The following GPR63 variants were observed in gnomAD, a reference collection of about 807,000 sequenced individuals.
GPR63 encodes the protein probable G protein-coupled receptor 63.
Under a neutral mutation model 23.1 loss-of-function variants are expected in GPR63, and 12 were observed. The observed-to-expected ratio is 0.52, with a 90% confidence interval of 0.33 to 0.84. The LOEUF is 0.84. Ranked by LOEUF, GPR63 falls within the 40% of genes least tolerant of loss-of-function variation. The pLI is 0.02. For synonymous variants in GPR63, 172 were observed against 191.1 expected (o/e 0.90, Z 0.82); for missense variants, 472 against 515.6 (o/e 0.92, Z 0.82).
chr6:96,812,751 T>A (rs942564024), intron 1 of GPR63, among the ~76,000 whole-genome samples: 6 of 152,124 alleles, frequency 3.9e-5, no homozygotes, highest in African/African-American at 7.2e-5. Context: ...ATGGGGTACA[T>A]GTGAGCATTT....
At chr6:96,807,997 G>T (rs1773939792) in intron 1 of GPR63, among the ~76,000 whole-genome samples, 1 of 152,180 alleles carries the variant, frequency 6.6e-6, no homozygotes, top group African/African-American at 2.4e-5. Context: ...TGTGTTCTTA[G>T]CCACTACGCT....
At chr6:96,808,524 AT>A (rs1285938546) in intron 1 of GPR63, among the ~76,000 whole-genome samples, 5 of 152,186 alleles carry the variant, frequency 3.3e-5, no homozygotes, top group African/African-American at 1.2e-4. Context: ...AGAACTGAAT[AT>A]TTAGTAAGTA....
intron 1 of GPR63, among the ~76,000 whole-genome samples, chr6:96,828,944 A>G (rs960619451): frequency 2.0e-5 from 3 of 152,236 alleles, no homozygotes; most frequent in Non-Finnish European, 2.9e-5. Flanking sequence ...CAAAAGGGTT[A>G]ATTTCCCACA....
At position 96,799,693 on chromosome 6, in the gene GPR63, C is replaced by G. The variant is rs774069933; in HGVS notation, c.39G>C (p.Gly13=). 1.2e-6 allele frequency: 2 copies of G among 1,613,954 alleles called. No individual in the cohort carries two copies. Among genetic ancestry groups the G allele is most frequent in the Non-Finnish European group, 1.7e-6 (2 of 1,180,024 alleles). ...ACACGACAAATGTTGTGTTGGATGT[C>G]CCGGTATGGAACGCAGTCAACACTG... ...FSAVLTAFHT[G]TSNTTFVVYE... The change falls in exon 2 of 2, where the codon GGG becomes GGC. Residue 13 remains glycine (G), a synonymous_variant. Coordinates refer to ENST00000229955, the MANE Select transcript of GPR63 (RefSeq NM_030784.4).
chr6:96,817,815 T>C (rs773742752), intron 1 of GPR63, among the ~76,000 whole-genome samples: 1 of 151,996 alleles, frequency 6.6e-6, no homozygotes, highest in Non-Finnish European at 1.5e-5. Flanking sequence ...AGTTTATTGG[T>C]TACCTTTGGG....
At chr6:96,810,656 C>T (rs181139434) in intron 1 of GPR63, among the ~76,000 whole-genome samples, 7 of 151,698 alleles carry the variant, frequency 4.6e-5, no homozygotes, top group South Asian at 2.1e-4. Flanking sequence ...TGCAGAATGA[C>T]GTACAACATA....
chr6:96,833,071 G>A (rs1774631862), intron 1 of GPR63, among the ~76,000 whole-genome samples: 2 of 152,170 alleles, frequency 1.3e-5, no homozygotes, highest in Non-Finnish European at 2.9e-5. Context: ...AACTTTAGAA[G>A]GTATCGTGGT....
chr6:96,826,712 G>A (rs1774446682), intron 1 of GPR63, among the ~76,000 whole-genome samples: 1 of 151,834 alleles, frequency 6.6e-6, no homozygotes, highest in Non-Finnish European at 1.5e-5. Context: ...TGGCAACCAG[G>A]GACTTCATGG....
At chr6:96,813,577 G>A (rs979146665) in intron 1 of GPR63, among the ~76,000 whole-genome samples, 3 of 152,130 alleles carry the variant, frequency 2.0e-5, no homozygotes, top group African/African-American at 7.2e-5. Context: ...CCCAACACAT[G>A]GTTTATCCTA....
Position 96,799,559 on chromosome 6 carries a change from G to A in GPR63, c.173C>T (p.Ser58Phe), listed in dbSNP as rs1291836304. The change falls in exon 2 of 2, where the codon TCC (serine) becomes TTC (phenylalanine). Residue 58 changes from serine to phenylalanine, a missense_variant. Physicochemically the swap from Ser to Phe is radical, Grantham distance 155 (BLOSUM62 -2). Transcript: ENST00000229955. ...FETMAPTGLS[S>F]LTVNSTAVPT... ...CACAGCTGTACTATTCACGGTCAAGGAACTCAAACCAGTGGGAGCCATGGT... is the reference window on the plus strand; with the variant it reads ...CACAGCTGTACTATTCACGGTCAAGAAACTCAAACCAGTGGGAGCCATGGT... The A allele has an allele frequency of 6.2e-7, 1 of 1,614,048 alleles. No individual in the cohort carries two copies. The highest frequency in any genetic ancestry group is 1.3e-5 in the African/African-American group (1 of 74,914).
chr6:96,815,539 T>C (rs1248372345), intron 1 of GPR63, among the ~76,000 whole-genome samples: 2 of 152,212 alleles, frequency 1.3e-5, no homozygotes, highest in African/African-American at 4.8e-5. Flanking sequence ...TATTGTGTAC[T>C]TTAATATACA....
chr6:96,813,415 T>C (rs1267700088), intron 1 of GPR63, among the ~76,000 whole-genome samples: 2 of 152,206 alleles, frequency 1.3e-5, no homozygotes, highest in African/African-American at 2.4e-5. Context: ...GAAAACTCCA[T>C]ACTGACCCAG....
In GPR63 at chr6:96,801,505, T is replaced by C. The variant is rs148138616; in HGVS notation, c.-150-1624A>G. Reference sequence around the variant, plus strand: ...TGAGCCACTGCACCCAGCCTAGTCATTGATTTTAAGGGTCACTGTCAAAAT... The same window carrying C: ...TGAGCCACTGCACCCAGCCTAGTCACTGATTTTAAGGGTCACTGTCAAAAT... On this transcript the variant is annotated intron_variant, in intron 1 of 1. Coordinates refer to ENST00000229955, the MANE Select transcript of GPR63 (RefSeq NM_030784.4). 5.3e-4 allele frequency among the ~76,000 whole-genome samples: 80 copies of C among 152,306 alleles called. 1 individual carries two copies. Among genetic ancestry groups the C allele is most frequent in the East Asian group, 7.7e-4 (4 of 5,168 alleles).
intron 1 of GPR63, among the ~76,000 whole-genome samples, chr6:96,829,998 C>T (rs943650320): frequency 1.3e-5 from 2 of 152,022 alleles, no homozygotes; most frequent in African/African-American, 4.8e-5. Context: ...CTACAAACAA[C>T]ACTGATGAAT....
At chr6:96,817,116 A>G (rs975052499) in intron 1 of GPR63, among the ~76,000 whole-genome samples, 10 of 152,198 alleles carry the variant, frequency 6.6e-5, no homozygotes, top group Non-Finnish European at 1.5e-4. Context: ...TCCTTTGAAT[A>G]TATATATTTA....
chr6:96,813,989 A>T (rs1774103219), intron 1 of GPR63, among the ~76,000 whole-genome samples: 1 of 152,164 alleles, frequency 6.6e-6, no homozygotes. Flanking sequence ...TGTAGGATAT[A>T]AAAAAATTAC....
intron 1 of GPR63, among the ~76,000 whole-genome samples, chr6:96,806,912 T>C (rs1773910402): frequency 6.6e-6 from 1 of 152,336 alleles, no homozygotes; most frequent in Admixed American, 6.5e-5. Context: ...GTGCAGATGG[T>C]TCTGCACAAT....
rs571487069 is a variant in GPR63, at chr6:96,805,700, T to C, written c.-150-5819A>G. On this transcript the variant is annotated intron_variant, in intron 1 of 1. Transcript: ENST00000229955. ...AATCTGTGGAGCAAGGGTATAATGG[T>C]AGGAAAGGTTAACTGCAAACCCTTA... Among the ~76,000 whole-genome samples, 49 of 152,250 alleles carry C rather than the reference T, an allele frequency of 3.2e-4. 1 individual carries two copies. Among genetic ancestry groups the C allele is most frequent in the African/African-American group, 4.6e-4 (19 of 41,556 alleles).
At chr6:96,803,255 A>C (rs1582249337) in intron 1 of GPR63, among the ~76,000 whole-genome samples, 1 of 152,216 alleles carries the variant, frequency 6.6e-6, no homozygotes, top group African/African-American at 2.4e-5. Flanking sequence ...CAGAGGAAAA[A>C]CCTCTAGATA....
Sources: allele counts gnomAD v4.1 joint callset (sites outside exome capture counted in the v4.1 genomes callset), GRCh38; gene constraint gnomAD v4.1.1; transcripts MANE v1.5; gene names NCBI Gene and HGNC (gene_info 2026-07-23, HGNC 2026-07-21).